PLSCR4: variants seen among roughly 807,000 people sequenced by gnomAD.
PLSCR4 encodes Ca(2+)-dependent phospholipid scramblase 4.
A neutral mutation model predicts 36.3 loss-of-function variants in PLSCR4; 25 were observed. The ratio of observed to expected loss-of-function variants is 0.69; its 90% CI spans 0.50 to 0.96. The LOEUF (loss-of-function observed/expected upper bound fraction) is 0.96, where lower values mean the gene tolerates loss of function less well. Ranked by LOEUF, PLSCR4 falls within the 40% of genes least tolerant of loss-of-function variation. PLSCR4 has a pLI of 0.00. For missense variants in PLSCR4, 408 were observed against 414.7 expected, an observed-to-expected ratio of 0.98 and a Z score of 0.14; for synonymous variants, 122 against 132.9, an observed-to-expected ratio of 0.92 and a Z score of 0.56.
At chr3:146,200,994 C>A in intron 5 of PLSCR4, 41 bp downstream of exon 5, 1 of 1,323,540 alleles carries the variant, frequency 7.6e-7, no homozygotes. Context: ...AAATTTCCAT[C>A]TGATTAAAAT....
rs1325430594 is a variant in PLSCR4 at position 146,206,770 on chromosome 3, A to C, written c.119-9T>G. 6.6e-7 allele frequency: 1 copy of C among 1,520,858 alleles called. No homozygotes were observed. Among genetic ancestry groups the C allele is most frequent in the Admixed American group, 2.0e-5 (1 of 51,026 alleles). The allele number at this position is 1,520,858 out of a possible 1,614,324, so 94.2% of individuals were successfully genotyped here. ...AGCTGTTCCAGGGGGTCCTGTGTTC[A>C]AAAGAAATCAAAGTGTTATATATTA... On this transcript the variant is annotated splice_polypyrimidine_tract_variant and intron_variant, in intron 3 of 8. Transcript: ENST00000354952.
chr3:146,233,144 A>G (rs979999225), intron 1 of PLSCR4, among the ~76,000 whole-genome samples: 21 of 152,098 alleles, frequency 1.4e-4, no homozygotes, highest in African/African-American at 5.1e-4. Flanking sequence ...GAATTTACAA[A>G]TTTTGTCATT....
intron 3 of PLSCR4, among the ~76,000 whole-genome samples, chr3:146,218,804 T>C (rs887374855): frequency 5.3e-5 from 8 of 152,186 alleles, no homozygotes; most frequent in African/African-American, 1.9e-4. Flanking sequence ...CACTGTCTGA[T>C]AGGATTTGAG....
intron 6 of PLSCR4, among the ~76,000 whole-genome samples, chr3:146,198,218 T>C (rs2033853436): frequency 6.6e-6 from 1 of 152,068 alleles, no homozygotes; most frequent in Non-Finnish European, 1.5e-5. Flanking sequence ...AAAGAGGACT[T>C]TGGTGATGAT....
intron 1 of PLSCR4, among the ~76,000 whole-genome samples, chr3:146,246,473 A>G (rs1208208220): frequency 6.6e-6 from 1 of 152,092 alleles, no homozygotes; most frequent in Non-Finnish European, 1.5e-5. Flanking sequence ...GATTAAATGA[A>G]AGCAAATTGA....
chr3:146,219,645 G>C (rs1005124219), intron 3 of PLSCR4, among the ~76,000 whole-genome samples: 2 of 152,058 alleles, frequency 1.3e-5, no homozygotes, highest in African/African-American at 4.8e-5. Flanking sequence ...GGCCGGGCAC[G>C]GTGGCTCACA....
At position 146,205,623 on chromosome 3, in the gene PLSCR4, C is replaced by T. The variant is rs963275898; in HGVS notation, c.354+903G>A. Among the ~76,000 whole-genome samples the T allele has an allele frequency of 7.2e-5, 11 of 151,968 alleles. 1 individual carries two copies. The highest frequency in any genetic ancestry group is 1.7e-4 in the African/African-American group (7 of 41,396). Reference sequence around the variant, plus strand: ...TGTATACTATGGATAACATCTACAGCGTGGATACACTGGACAAAGGAATGA... The same window carrying T: ...TGTATACTATGGATAACATCTACAGTGTGGATACACTGGACAAAGGAATGA... On this transcript the variant is annotated intron_variant, in intron 4 of 8. Transcript: ENST00000354952.
chr3:146,215,811 G>A (rs1333183432), intron 3 of PLSCR4, among the ~76,000 whole-genome samples: 1 of 152,180 alleles, frequency 6.6e-6, no homozygotes, highest in African/African-American at 2.4e-5. Flanking sequence ...ATGGTGTTAT[G>A]TCTCCCTAAG....
chr3:146,210,271 T>C (rs2034549960), intron 3 of PLSCR4, among the ~76,000 whole-genome samples: 1 of 152,056 alleles, frequency 6.6e-6, no homozygotes, highest in Non-Finnish European at 1.5e-5. Context: ...AATATAGGGG[T>C]CCAACTGTGG....
rs1052014195 is a variant in PLSCR4 at position 146,222,012 on chromosome 3, C to T, written c.7+53G>A. The T allele has an allele frequency of 2.8e-5, 30 of 1,088,056 alleles. 1 individual carries two copies. The East Asian group carries it at 6.8e-4, about 25-fold the overall frequency. 67.4% of individuals were successfully genotyped at this position (1,088,056 alleles called of 1,614,324 possible). ...AGTCCCCCTTTAGGGAAAATAATCA[C>T]AAAATTCACATTTGAAAATAAAGCA... On this transcript the variant is annotated intron_variant, in intron 2 of 8. Coordinates refer to ENST00000354952, the MANE Select transcript of PLSCR4 (RefSeq NM_020353.3).
chr3:146,231,619 G>A (rs976410537), intron 1 of PLSCR4, among the ~76,000 whole-genome samples: 3 of 152,096 alleles, frequency 2.0e-5, no homozygotes, highest in Non-Finnish European at 4.4e-5. Flanking sequence ...TACTGATGCT[G>A]ACCCTGTTTT....
intron 3 of PLSCR4, 71 bp from the exon 4 acceptor site, chr3:146,206,832 G>C: frequency 3.2e-6 from 3 of 930,384 alleles, no homozygotes; most frequent in Non-Finnish European, 4.9e-6. Flanking sequence ...TACATGCGAT[G>C]AAATAGATCA....
At chr3:146,225,543 G>A (rs2035420188) in intron 1 of PLSCR4, among the ~76,000 whole-genome samples, 1 of 152,200 alleles carries the variant, frequency 6.6e-6, no homozygotes. Flanking sequence ...GGGAGGCTCA[G>A]GCATGGCAGG....
chr3:146,230,513 G>T (rs372700216), intron 1 of PLSCR4, among the ~76,000 whole-genome samples: 1 of 152,136 alleles, frequency 6.6e-6, no homozygotes, highest in African/African-American at 2.4e-5. Flanking sequence ...TTTATGAAAG[G>T]GAGTGTTGGG....
At chr3:146,239,202 C>T (rs1328262599) in intron 1 of PLSCR4, among the ~76,000 whole-genome samples, 1 of 152,076 alleles carries the variant, frequency 6.6e-6, no homozygotes, top group East Asian at 1.9e-4. Flanking sequence ...ATACAAGTTG[C>T]CTTTTTCCAG....
At chr3:146,197,572 T>TG (rs1301114923) in intron 6 of PLSCR4, among the ~76,000 whole-genome samples, 1 of 152,174 alleles carries the variant, frequency 6.6e-6, no homozygotes, top group East Asian at 1.9e-4. Flanking sequence ...AATGTGTACA[T>TG]GGGTTTATAA....
intron 1 of PLSCR4, among the ~76,000 whole-genome samples, chr3:146,224,061 G>A (rs149803597): frequency 1.1e-3 from 166 of 151,628 alleles, no homozygotes; most frequent in African/African-American, 3.9e-3. Context: ...CCTTAATGAT[G>A]GTAATCCCTG....
intron 6 of PLSCR4, among the ~76,000 whole-genome samples, chr3:146,197,178 G>C (rs1455868135): frequency 2.6e-5 from 4 of 152,166 alleles, no homozygotes; most frequent in African/African-American, 9.7e-5. Flanking sequence ...TCTAAAACAT[G>C]GAACTAGGAA....
intron 1 of PLSCR4, among the ~76,000 whole-genome samples, chr3:146,225,218 C>G (rs984719121): frequency 1.3e-5 from 2 of 152,188 alleles, no homozygotes; most frequent in Non-Finnish European, 2.9e-5. Flanking sequence ...TTCTCCAAGG[C>G]CCCACCAGAG....
Sources: gnomAD v4.1 joint callset for allele counts (sites outside exome capture counted in the v4.1 genomes callset) on GRCh38, gnomAD v4.1.1 for gene constraint, MANE v1.5 for transcripts, NCBI Gene and HGNC (gene_info 2026-07-23, HGNC 2026-07-21) for gene names.